The following SPAM1 variants were observed in gnomAD, a reference collection of about 807,000 sequenced individuals.
The protein encoded by SPAM1 is sperm adhesion molecule 1.
Under a neutral mutation model 29.6 loss-of-function variants are expected in SPAM1, and 22 were observed. The observed-to-expected ratio is 0.74, with a 90% CI of 0.53 to 1.06. The LOEUF is 1.06. SPAM1 is among the 50% of genes least tolerant of loss of function. The pLI is 0.00. For missense variants in SPAM1, 534 were observed against 604.0 expected (o/e 0.88, Z 1.21); for synonymous variants, 194 against 204.6 (o/e 0.95, Z 0.44).
chr7:123,956,095 AG>A (rs1279616687), intron 4 of SPAM1, among the ~76,000 whole-genome samples: 4 of 152,004 alleles, frequency 2.6e-5, no homozygotes, highest in African/African-American at 9.7e-5. Flanking sequence ...CTCAATGAAT[AG>A]GTTGACATGA....
At chr7:123,936,334 G>C (rs1017926721) in intron 1 of SPAM1, among the ~76,000 whole-genome samples, 1 of 152,274 alleles carries the variant, frequency 6.6e-6, no homozygotes, top group East Asian at 1.9e-4. Flanking sequence ...GATTGGTTGG[G>C]GTAAGAGGGA....
rs1200144611 is a variant in SPAM1, at chr7:123,950,913, A to G, written c.-207+930A>G. 6.5e-4 allele frequency among the ~76,000 whole-genome samples: 99 copies of G among 152,022 alleles called. 1 individual carries two copies. The highest frequency in any genetic ancestry group is 7.4e-5 in the Non-Finnish European group (5 of 67,940). ...TAAGTGTGTCCTTTTTTCTGCATCC[A>G]TGACAACATTTTTTTTGACTTTTTA... On this transcript the variant is annotated intron_variant, in intron 2 of 4. Transcript: ENST00000682466.
chr7:123,966,531 A>G (rs918527685), intron 5 of SPAM1, among the ~76,000 whole-genome samples: 1 of 152,100 alleles, frequency 6.6e-6, no homozygotes, highest in African/African-American at 2.4e-5. Flanking sequence ...ATGCCTATCA[A>G]TGATAGACTA....
chr7:123,959,518 C>A lies in SPAM1; in HGVS notation c.1079C>A (p.Thr360Asn). 1 of 1,611,892 alleles carries A rather than the reference C, an allele frequency of 6.2e-7. No individual in the cohort carries two copies. The highest frequency in any genetic ancestry group is 8.5e-7 in the Non-Finnish European group (1 of 1,178,890). The change falls in exon 5 of 5, where the codon ACT becomes AAT. Residue 360 changes from threonine (T) to asparagine (N), a missense_variant. Thr to Asn is a moderately conservative substitution (Grantham distance 65). Transcript: ENST00000682466. ...TTGCTCCTAGACAATTACATGGAGA[C>A]TATACTGAATCCTTACATAATCAAC... is the stretch of plus-strand genomic sequence containing the variant. ...SCLLLDNYME[T>N]ILNPYIINVT... is the part of the protein sequence containing the mutation.
chr7:123,948,625 C>G (rs1008014323), intron 1 of SPAM1, among the ~76,000 whole-genome samples: 17 of 152,136 alleles, frequency 1.1e-4, no homozygotes, highest in Admixed American at 2.6e-4. Context: ...TTGGTCCTCC[C>G]CCTTTGGTAA....
chr7:123,930,443 C>G (rs1808037437), intron 1 of SPAM1, among the ~76,000 whole-genome samples: 1 of 152,124 alleles, frequency 6.6e-6, no homozygotes, highest in South Asian at 2.1e-4. Flanking sequence ...AGATGCAGCT[C>G]CCATGATCCA....
At chr7:123,957,462 T>C (rs1427966170) in intron 4 of SPAM1, among the ~76,000 whole-genome samples, 1 of 152,026 alleles carries the variant, frequency 6.6e-6, no homozygotes, top group Non-Finnish European at 1.5e-5. Context: ...GGTTATACAA[T>C]GTCACACTGT....
chr7:123,963,495 G>A (rs1012418576), downstream of SPAM1, among the ~76,000 whole-genome samples: 1 of 151,502 alleles, frequency 6.6e-6, no homozygotes. Context: ...GCATTAAAAA[G>A]GATATTTTTT....
chr7:123,954,903 A>G, intron 3 of SPAM1, 94 bp from the exon 4 acceptor site: 1 of 773,902 alleles, frequency 1.3e-6, no homozygotes, highest in Non-Finnish European at 2.3e-6. Context: ...AATTATTATT[A>G]TTGGGTCAGC....
chr7:123,955,111 G>T, intron 4 of SPAM1, 25 bp downstream of exon 4: 2 of 1,433,706 alleles, frequency 1.4e-6, no homozygotes, highest in Non-Finnish European at 2.0e-6. Context: ...TAGAAAATAG[G>T]TGAAAATATT....
In SPAM1 at chr7:123,954,317, C is replaced by G. The variant is rs1792193686; in HGVS notation, c.747C>G (p.Leu249=). Residue 249 remains leucine, a synonymous_variant, in exon 3 of 5, where the codon CTC becomes CTG. Transcript: ENST00000682466. ...TAGAAATAAAAAGAAATGATGATCTCAGCTGGTTGTGGAATGAAAGCACTG... is the reference window on the plus strand; with the variant it reads ...TAGAAATAAAAAGAAATGATGATCTGAGCTGGTTGTGGAATGAAAGCACTG... ...FNVEIKRNDD[L]SWLWNESTAL... 1 of 1,612,946 alleles carries G rather than the reference C, an allele frequency of 6.2e-7. No individual in the cohort carries two copies. Among genetic ancestry groups the G allele is most frequent in the African/African-American group, 1.3e-5 (1 of 74,954 alleles).
chr7:123,947,495 A>G (rs1219757794), intron 1 of SPAM1, among the ~76,000 whole-genome samples: 2 of 151,952 alleles, frequency 1.3e-5, no homozygotes, highest in Non-Finnish European at 2.9e-5. Context: ...GGTTGTAGTG[A>G]GCTAAGATGG....
chr7:123,960,124 T>A, downstream of SPAM1: 1 of 1,058,450 alleles, frequency 9.4e-7, no homozygotes, highest in East Asian at 2.6e-5. Flanking sequence ...TTCTTTGAAC[T>A]TGACAAACAC....
At chr7:123,955,750 A>G (rs562580765) in intron 4 of SPAM1, among the ~76,000 whole-genome samples, 8 of 152,140 alleles carry the variant, frequency 5.3e-5, no homozygotes, top group African/African-American at 1.9e-4. Flanking sequence ...AGAATTTTTT[A>G]AGGTAATCTG....
At chr7:123,958,829 C>T (rs1288093573) in intron 4 of SPAM1, among the ~76,000 whole-genome samples, 3 of 149,776 alleles carry the variant, frequency 2.0e-5, no homozygotes, top group East Asian at 3.9e-4. Flanking sequence ...AAGACTTTGT[C>T]TCAGGAAAAA....
downstream of SPAM1, among the ~76,000 whole-genome samples, chr7:123,963,171 A>T (rs961092264): frequency 6.6e-6 from 1 of 151,928 alleles, no homozygotes; most frequent in African/African-American, 2.4e-5. Flanking sequence ...TTGCAAAATT[A>T]TCTTTCAAAA....
chr7:123,943,976 C>A (rs894549456), intron 1 of SPAM1, among the ~76,000 whole-genome samples: 1 of 152,076 alleles, frequency 6.6e-6, no homozygotes, highest in Non-Finnish European at 1.5e-5. Context: ...TTTTTATAAC[C>A]TTTATAACCT....
At chr7:123,930,572 C>T (rs1157878338) in intron 1 of SPAM1, among the ~76,000 whole-genome samples, 3 of 152,156 alleles carry the variant, frequency 2.0e-5, no homozygotes, top group African/African-American at 7.2e-5. Context: ...TCTCTGGTGT[C>T]ATACACAAGT....
In SPAM1 at chr7:123,927,017, G is replaced by T. The variant is rs540568419; in HGVS notation, c.-319+1665G>T. ...GATTCTTCCCATGAGACACTGCAGGGCAATTTTAAGGTATGGCAAGGAAAT... is the reference window on the plus strand; with the variant it reads ...GATTCTTCCCATGAGACACTGCAGGTCAATTTTAAGGTATGGCAAGGAAAT... On this transcript the variant is annotated intron_variant, in intron 1 of 4. Transcript: ENST00000682466. Among the ~76,000 whole-genome samples, 175 of 152,230 alleles carry T rather than the reference G, an allele frequency of 1.1e-3. 1 individual carries two copies. The highest frequency in any genetic ancestry group is 1.9e-3 in the Admixed American group (29 of 15,286).
Sources: gnomAD v4.1 joint callset for allele counts (sites outside exome capture counted in the v4.1 genomes callset) on GRCh38, gnomAD v4.1.1 for gene constraint, MANE v1.5 for transcripts, NCBI Gene and HGNC (gene_info 2026-07-23, HGNC 2026-07-21) for gene names.